Variants in PIK3R3 observed in about 807,000 individuals in gnomAD.
PIK3R3 encodes phosphoinositide-3-kinase regulatory subunit 3.
PIK3R3 carries 64 observed loss-of-function variants against 62.9 expected under a neutral mutation model. The observed-to-expected ratio is 1.02, with a 90% CI of 0.83 to 1.25. The LOEUF is 1.25. PIK3R3 is among the 50% of genes most tolerant of loss of function. The probability of loss-of-function intolerance (pLI) is 0.00; values close to 1 mark genes in which losing one functional copy is unlikely to be tolerated. For missense variants in PIK3R3, 614 were observed against 561.6 expected, an observed-to-expected ratio of 1.09 and a Z score of -0.94; for synonymous variants, 165 against 189.0, an observed-to-expected ratio of 0.87 and a Z score of 1.04.
intron 1 of PIK3R3, among the ~76,000 whole-genome samples, chr1:46,086,738 A>G (rs1226249201): frequency 1.3e-5 from 2 of 152,172 alleles, no homozygotes; most frequent in Non-Finnish European, 2.9e-5. Context: ...TGTACTCTGG[A>G]AAGGCCAGGA....
chr1:46,089,474 G>T (rs1651400121), intron 1 of PIK3R3, among the ~76,000 whole-genome samples: 1 of 152,134 alleles, frequency 6.6e-6, no homozygotes, highest in Non-Finnish European at 1.5e-5. Context: ...CCAGCACTTT[G>T]GGAGGCCAAG....
intron 1 of PIK3R3, among the ~76,000 whole-genome samples, chr1:46,121,613 G>A (rs1166967016): frequency 6.6e-6 from 1 of 151,464 alleles, no homozygotes. Context: ...TGGGCAACCT[G>A]GAAAGACTCT....
intron 2 of PIK3R3, among the ~76,000 whole-genome samples, chr1:46,079,124 A>G (rs1650347599): frequency 6.6e-6 from 1 of 152,098 alleles, no homozygotes; most frequent in African/African-American, 2.4e-5. Context: ...TTAAATAAAT[A>G]CCATTTTGGT....
chr1:46,075,820 G>A (rs1015235049), intron 3 of PIK3R3, among the ~76,000 whole-genome samples: 2 of 152,162 alleles, frequency 1.3e-5, no homozygotes, highest in African/African-American at 4.8e-5. Context: ...TGCCAGTAGT[G>A]TGGCTCAGTC....
the PIK3R3 span, among the ~76,000 whole-genome samples, chr1:46,165,931 C>T: frequency 4.6e-5 from 7 of 151,298 alleles, no homozygotes; most frequent in Non-Finnish European, 1.0e-4. Flanking sequence ...CCACCGCACC[C>T]GGCTAATTTT....
the PIK3R3 span, among the ~76,000 whole-genome samples, chr1:46,141,069 A>G: frequency 6.6e-6 from 1 of 151,546 alleles, no homozygotes; most frequent in East Asian, 1.9e-4. Context: ...ACTGTTTCCC[A>G]GGCTGGTCTT....
In PIK3R3 at chr1:46,066,035, A is replaced by AT; in HGVS notation, c.621+18_621+19insA. 6.2e-7 allele frequency: 1 copy of AT among 1,603,564 alleles called. No homozygotes were observed. The highest frequency in any genetic ancestry group is 2.2e-5 in the East Asian group (1 of 44,644). ...AAACATTGCACACATATTAGTCAAA[A>AT]ACAACATAATATACCAACCTGGGAT... On this transcript the variant is annotated intron_variant, in intron 5 of 9. Coordinates refer to ENST00000262741, the MANE Select transcript of PIK3R3 (RefSeq NM_003629.4).
intron 7 of PIK3R3, among the ~76,000 whole-genome samples, chr1:46,052,905 A>G (rs923229123): frequency 6.6e-6 from 1 of 152,210 alleles, no homozygotes; most frequent in Non-Finnish European, 1.5e-5. Flanking sequence ...TTAGGTAGGT[A>G]TCACAGAATT....
At chr1:46,156,976 CT>C in the PIK3R3 span, among the ~76,000 whole-genome samples, 3 of 152,210 alleles carry the variant, frequency 2.0e-5, no homozygotes, top group African/African-American at 7.2e-5. Context: ...ACTCCAAAGT[CT>C]GCCCACAGGA....
At chr1:46,104,101 T>C (rs1652964708) in intron 1 of PIK3R3, among the ~76,000 whole-genome samples, 1 of 151,830 alleles carries the variant, frequency 6.6e-6, no homozygotes, top group Non-Finnish European at 1.5e-5. Flanking sequence ...GTTTTTTTTG[T>C]ATTTTTAGTA....
intron 1 of PIK3R3, among the ~76,000 whole-genome samples, chr1:46,093,864 A>G (rs1651869739): frequency 6.6e-6 from 1 of 151,766 alleles, no homozygotes; most frequent in Admixed American, 6.6e-5. Context: ...CAAAAAAAAA[A>G]AAAAAAACAT....
At chr1:46,118,323 TC>T (rs67716739) in intron 1 of PIK3R3, among the ~76,000 whole-genome samples, 108,740 of 151,824 alleles carry the variant, frequency 0.72, 39,078 homozygotes, top group African/African-American at 0.75. Context: ...GCCACCATCA[TC>T]CCCTCAGCTT....
At chr1:46,156,260 T>C in the PIK3R3 span, among the ~76,000 whole-genome samples, 1 of 151,584 alleles carries the variant, frequency 6.6e-6, no homozygotes, top group Non-Finnish European at 1.5e-5. Context: ...AAAAAAAAAT[T>C]GTCAGCCTGG....
chr1:46,084,609 AC>A (rs1369677412), intron 1 of PIK3R3, among the ~76,000 whole-genome samples: 1 of 152,202 alleles, frequency 6.6e-6, no homozygotes, highest in African/African-American at 2.4e-5. Flanking sequence ...TCTTCTACTT[AC>A]CCACTTAACA....
In PIK3R3 at chr1:46,043,733, G is replaced by A. The variant is rs768326426; in HGVS notation, c.1326C>T (p.Asp442=). 1 of 1,614,258 alleles carries A rather than the reference G, an allele frequency of 6.2e-7. No homozygotes were observed. Among genetic ancestry groups the A allele is most frequent in the African/African-American group, 1.3e-5 (1 of 75,074 alleles). Residue 442 remains aspartate, a synonymous_variant, in exon 10 of 10, where the codon GAC becomes GAT. Coordinates refer to ENST00000262741, the MANE Select transcript of PIK3R3 (RefSeq NM_003629.4). ...YQQTSLVQHN[D]SLNVRLAYPV... ...GGTAGGCAAGCCTGACGTTGAGGGA[G>A]TCGTTGTGCTGAACCAAGGATGTCT...
chr1:46,166,530 C>T, the PIK3R3 span, among the ~76,000 whole-genome samples: 2 of 152,080 alleles, frequency 1.3e-5, no homozygotes, highest in African/African-American at 4.8e-5. Flanking sequence ...GTCATACAAG[C>T]TTTTTACACC....
At chr1:46,136,416 T>TC, upstream of PIK3R3, among the ~76,000 whole-genome samples, 1 of 152,316 alleles carries the variant, frequency 6.6e-6, no homozygotes, top group East Asian at 1.9e-4. Flanking sequence ...AAATCAATAG[T>TC]CATCTCTTGA....
the PIK3R3 span, among the ~76,000 whole-genome samples, chr1:46,156,709 G>T: frequency 6.6e-6 from 1 of 152,174 alleles, no homozygotes; most frequent in South Asian, 2.1e-4. Context: ...AGGCCCAAGC[G>T]CCTGTCAATT....
At chr1:46,072,820 G>A (rs1649667564) in intron 3 of PIK3R3, among the ~76,000 whole-genome samples, 1 of 152,028 alleles carries the variant, frequency 6.6e-6, no homozygotes, top group African/African-American at 2.4e-5. Context: ...CACCAGGCAT[G>A]GTGGCACACC....
Sources: allele counts gnomAD v4.1 joint callset (sites outside exome capture counted in the v4.1 genomes callset), GRCh38; gene constraint gnomAD v4.1.1; transcripts MANE v1.5; gene names NCBI Gene and HGNC (gene_info 2026-07-23, HGNC 2026-07-21).